The following DNAH12 variants were observed in gnomAD, a reference collection of about 807,000 sequenced individuals.
DNAH12 encodes axonemal beta dynein heavy chain 12.
A neutral mutation model predicts 371.5 loss-of-function variants in DNAH12; 285 were observed. That is an observed-to-expected ratio of 0.77 (90% CI 0.70 to 0.85). The LOEUF is 0.85. Among genes scored for constraint, DNAH12 ranks in the 40% least tolerant of loss-of-function variants. The probability of loss-of-function intolerance (pLI) is 0.00; values close to 1 mark genes in which losing one functional copy is unlikely to be tolerated. For synonymous variants in DNAH12, 1,200 were observed against 1,213.0 expected (o/e 0.99, Z 0.22); for missense variants, 3,611 against 3,689.4 (o/e 0.98, Z 0.55).
Position 57,453,416 on chromosome 3 carries a change from A to G in DNAH12, c.3457-13T>C. On this transcript the variant is annotated splice_polypyrimidine_tract_variant and intron_variant, in intron 23 of 73. Coordinates refer to ENST00000495027, the MANE Select transcript of DNAH12 (RefSeq NM_001366028.2). The stretch of plus-strand genomic sequence containing the variant: ...ACTTCTTTAATCCCTACAAAATAAA[A>G]AAAAAAGCAATCTAATTGATGTCAC... The G allele has an allele frequency of 6.6e-7, 1 of 1,510,890 alleles. No homozygotes were observed. The highest frequency in any genetic ancestry group is 8.8e-7 in the Non-Finnish European group (1 of 1,133,396). The allele number at this position is 1,510,890 out of a possible 1,614,324, so 93.6% of individuals were successfully genotyped here.
intron 33 of DNAH12, among the ~76,000 whole-genome samples, chr3:57,429,488 C>T (rs955622048): frequency 2.6e-5 from 4 of 152,122 alleles, no homozygotes; most frequent in African/African-American, 9.7e-5. Context: ...CCTCTTCACA[C>T]TCTTAAAGCA....
At chr3:57,429,340 C>T (rs1193809742) in intron 33 of DNAH12, among the ~76,000 whole-genome samples, 1 of 152,140 alleles carries the variant, frequency 6.6e-6, no homozygotes, top group African/African-American at 2.4e-5. Context: ...CCATGCCTGG[C>T]TAATTGTGTA....
intron 58 of DNAH12, among the ~76,000 whole-genome samples, chr3:57,361,139 C>G (rs1236197948): frequency 1.3e-5 from 2 of 151,888 alleles, no homozygotes; most frequent in African/African-American, 2.4e-5. Context: ...CACCTGAGAT[C>G]AGGAGTTCAA....
At position 57,446,261 on chromosome 3, in the gene DNAH12, C is replaced by T; in HGVS notation, c.3949G>A (p.Gly1317Arg). ...GCCCAAGCACCAGAAGAAGCCAGTCCTTTAAAAAACTAAGGACAAAGAAAA... is the reference window on the plus strand; with the variant it reads ...GCCCAAGCACCAGAAGAAGCCAGTCTTTTAAAAAACTAAGGACAAAGAAAA... The part of the protein sequence containing the change: ...DYLAMGKFFK[G>R]LASSGAWACF... The change falls in exon 27 of 74, where the codon GGA becomes AGA. Residue 1317 changes from glycine to arginine, a missense_variant. By Grantham distance (125) the Gly-to-Arg change is moderately radical. Transcript: ENST00000495027. The T allele has an allele frequency of 1.9e-6, 3 of 1,550,308 alleles. No individual in the cohort carries two copies. Among genetic ancestry groups the T allele is most frequent in the Non-Finnish European group, 2.6e-6 (3 of 1,146,428 alleles).
In DNAH12 at chr3:57,387,432, A is replaced by G. The variant is rs2063518765; in HGVS notation, c.7306-213T>C. 4.6e-5 allele frequency among the ~76,000 whole-genome samples: 7 copies of G among 152,278 alleles called. No homozygotes were observed. The South Asian group carries it at 1.5e-3, about 32-fold the overall frequency. On this transcript the variant is annotated intron_variant, in intron 45 of 73. Transcript: ENST00000495027. ...TTATATATTAAAATGAAAAAAGGAT[A>G]ATATAAAGGAAGGATCAATGAAATT...
At position 57,309,820 on chromosome 3, in the gene DNAH12, C is replaced by T. The variant is rs372806724; in HGVS notation, c.10931G>A (p.Gly3644Glu). Reference protein sequence around the residue: ...LPFTQHPEIFGLHENVDISKD... With the variant: ...LPFTQHPEIFELHENVDISKD... ...GGAGATGTCAACGTTTTCATGTAAT[C>T]CAAATATCTCAGGGTGTTGAGTAAA... The change falls in exon 68 of 74, where the codon GGA (glycine) becomes GAA (glutamate). Residue 3644 changes from glycine to glutamate, a missense_variant. Gly to Glu is a moderately conservative substitution (Grantham distance 98). This residue lies in a region of DNAH12 where 2,266 missense variants were observed against 2,236.9 expected (regional missense o/e 1.01). Coordinates refer to ENST00000495027, the MANE Select transcript of DNAH12 (RefSeq NM_001366028.2). The T allele has an allele frequency of 3.9e-6, 6 of 1,550,364 alleles. No homozygotes were observed. The highest frequency in any genetic ancestry group is 5.2e-6 in the Non-Finnish European group (6 of 1,146,588).
At position 57,457,745 on chromosome 3, in the gene DNAH12, G is replaced by A. The variant is rs140395463; in HGVS notation, c.3312C>T (p.His1104=). ...CCAGCCTGGCTGCAGCGATCACATC[G>A]TGAACACTCCGGAGCATTAGGTCTT... The part of the protein sequence containing the change: ...QVEDLMLRSV[H]DVIAAARLAY... Residue 1104 remains histidine, a synonymous_variant, in exon 22 of 74, where the codon CAC becomes CAT. Transcript: ENST00000495027. 3,700 of 1,551,340 alleles carry A rather than the reference G, an allele frequency of 2.4e-3. 41 individuals are homozygous for A. The Middle Eastern group carries it at 0.033, about 14-fold the overall frequency.
At chr3:57,535,985 C>T (rs957052672) in intron 2 of DNAH12, among the ~76,000 whole-genome samples, 41 of 152,064 alleles carry the variant, frequency 2.7e-4, no homozygotes, top group African/African-American at 8.2e-4. Context: ...TATAGGCATC[C>T]GCCACCATGC....
At chr3:57,439,841 G>A (rs1294694171) in intron 29 of DNAH12, among the ~76,000 whole-genome samples, 2 of 150,610 alleles carry the variant, frequency 1.3e-5, no homozygotes, top group Non-Finnish European at 1.5e-5. Context: ...AATTGAACAG[G>A]AAAAAAAAAC....
At chr3:57,429,904 A>T (rs2064904436) in intron 32 of DNAH12, 130 bp from the exon 33 acceptor site, 2 of 749,066 alleles carry the variant, frequency 2.7e-6, no homozygotes, top group East Asian at 3.0e-5. Flanking sequence ...GAAGCCAGAA[A>T]ATCTTAATTC....
At chr3:57,343,146 A>T (rs1483105591) in intron 60 of DNAH12, among the ~76,000 whole-genome samples, 2 of 152,186 alleles carry the variant, frequency 1.3e-5, no homozygotes, top group Non-Finnish European at 2.9e-5. Context: ...CCAAAAACAC[A>T]TGAAAAAATG....
intron 30 of DNAH12, among the ~76,000 whole-genome samples, 164 bp from the exon 31 acceptor site, chr3:57,433,992 T>A (rs1205348423): frequency 1.3e-5 from 2 of 152,212 alleles, no homozygotes; most frequent in Non-Finnish European, 2.9e-5. Flanking sequence ...CTGAACTGAT[T>A]GACTACAAAT....
intron 20 of DNAH12, 89 bp downstream of exon 20, chr3:57,459,503 T>C: frequency 4.0e-6 from 5 of 1,246,824 alleles, no homozygotes; most frequent in Non-Finnish European, 5.2e-6. Context: ...GCAAGTTTAA[T>C]TTTTATAATC....
intron 17 of DNAH12, among the ~76,000 whole-genome samples, chr3:57,465,206 G>A (rs1304957384): frequency 1.3e-5 from 2 of 152,180 alleles, no homozygotes; most frequent in East Asian, 1.9e-4. Context: ...TAGCTAACCC[G>A]TGGTCCTCAT....
rs1357052545 is a variant in DNAH12 at position 57,446,041 on chromosome 3, T to C, written c.4169A>G (p.Asp1390Gly). The change falls in exon 27 of 74, where the codon GAC (aspartate) becomes GGC (glycine). Residue 1390 changes from aspartate to glycine, a missense_variant. By Grantham distance (94) the Asp-to-Gly change is moderately conservative. This residue lies in a region of DNAH12 where 2,266 missense variants were observed against 2,236.9 expected (regional missense o/e 1.01). Transcript: ENST00000495027. ...PGYAGRSELP[D>G]NLKVLFRTVA... is the part of the protein sequence containing the mutation. Reference sequence around the variant, plus strand: ...AATAAATAATATTACCTTAAGATTGTCCGGCAATTCAGAGCGTCCTGCATA... The same window carrying C: ...AATAAATAATATTACCTTAAGATTGCCCGGCAATTCAGAGCGTCCTGCATA... The C allele has an allele frequency of 1.9e-5, 30 of 1,546,540 alleles. No homozygotes were observed. The highest frequency in any genetic ancestry group is 2.5e-5 in the Non-Finnish European group (29 of 1,144,660).
intron 41 of DNAH12, 75 bp downstream of exon 41, chr3:57,405,578 A>C: frequency 1.4e-6 from 2 of 1,407,944 alleles, no homozygotes; most frequent in South Asian, 3.0e-5. Flanking sequence ...AATGATTTTT[A>C]AAAATATAAC....
intron 11 of DNAH12, among the ~76,000 whole-genome samples, chr3:57,500,111 G>A (rs954570805): frequency 6.0e-5 from 9 of 150,604 alleles, no homozygotes; most frequent in South Asian, 2.1e-4. Flanking sequence ...CATGAGCTCC[G>A]CTCACTGCAA....
At chr3:57,338,113 C>T (rs1006805339) in intron 60 of DNAH12, among the ~76,000 whole-genome samples, 4 of 152,292 alleles carry the variant, frequency 2.6e-5, no homozygotes, top group Middle Eastern at 3.4e-3. Context: ...CTCGGGCTCC[C>T]GTGATTCTCC....
At chr3:57,517,698 A>G (rs1178954091) in intron 4 of DNAH12, among the ~76,000 whole-genome samples, 1 of 152,188 alleles carries the variant, frequency 6.6e-6, no homozygotes, top group Non-Finnish European at 1.5e-5. Context: ...AAAGTATATA[A>G]TCTTCCTTAG....
Sources: gnomAD v4.1 joint callset for allele counts (sites outside exome capture counted in the v4.1 genomes callset) on GRCh38, gnomAD v4.1.1 for gene constraint, gnomAD v4.1.1 regional missense constraint, MANE v1.5 for transcripts, NCBI Gene and HGNC (gene_info 2026-07-23, HGNC 2026-07-21) for gene names.